NLGN1: variants seen among roughly 807,000 people sequenced by gnomAD.
The protein encoded by NLGN1 is neuroligin-1.
NLGN1 carries 12 observed loss-of-function variants against 65.5 expected under a neutral mutation model. The ratio of observed to expected loss-of-function variants is 0.18; its 90% confidence interval spans 0.12 to 0.30. NLGN1 has a LOEUF of 0.30. NLGN1 is among the 10% of genes least tolerant of loss of function. The pLI, the probability that NLGN1 is intolerant of heterozygous loss-of-function variation, is 1.00. For synonymous variants in NLGN1, 350 were observed against 359.5 expected (o/e 0.97, Z 0.30); for missense variants, 750 against 1,007.1 (o/e 0.74, Z 3.46).
chr3:173,696,498 A>G (rs1214366257), intron 3 of NLGN1, among the ~76,000 whole-genome samples: 7 of 152,184 alleles, frequency 4.6e-5, no homozygotes, highest in Admixed American at 4.6e-4. Context: ...GATCCAGCCC[A>G]TTGCTGAGCC....
intron 3 of NLGN1, among the ~76,000 whole-genome samples, chr3:173,685,497 G>T (rs1235676504): frequency 6.6e-6 from 1 of 152,082 alleles, no homozygotes; most frequent in East Asian, 1.9e-4. Flanking sequence ...GATTTTCGAG[G>T]CCTTAAGTTA....
rs183153046 is a variant in NLGN1 at position 174,175,604 on chromosome 3, A to G, written c.647-99711A>G. ...ATATTGCATGGAAAACTGTCATTCA[A>G]ATTCTACTCCTAGAACCCTCTGATA... On this transcript the variant is annotated intron_variant, in intron 4 of 6. Coordinates refer to ENST00000457714, the Ensembl canonical transcript of NLGN1. 3.9e-5 allele frequency among the ~76,000 whole-genome samples: 6 copies of G among 151,994 alleles called. No individual in the cohort carries two copies. In the East Asian group the frequency reaches 1.2e-3, roughly 29 times the overall value.
chr3:173,861,515 CGTGTGTGTGTGTGTGT>C lies in NLGN1; in HGVS notation c.646+53710_646+53725del, dbSNP rs145812733. 9.3e-3 allele frequency among the ~76,000 whole-genome samples: 1,314 copies of C among 141,446 alleles called. 6 individuals carry two copies. Among genetic ancestry groups the C allele is most frequent in the African/African-American group, 0.015 (563 of 38,412 alleles). 92.8% of individuals were successfully genotyped at this position (141,446 alleles called of 152,430 possible). A position where few individuals can be genotyped will look rare whatever the true frequency, so the allele number is the denominator to read the frequency against. The stretch of plus-strand genomic sequence containing the variant: ...GAATTGCCAATTCCAGTAGCTGGCA[CGTGTGTGTGTGTGTGT>C]GTGTGTGTGTGTGTGTGTGTGTGTG... On this transcript the variant is annotated intron_variant, in intron 4 of 6. Coordinates refer to ENST00000457714, the Ensembl canonical transcript of NLGN1.
chr3:173,637,189 A>G (rs1346143350), intron 3 of NLGN1, among the ~76,000 whole-genome samples: 1 of 152,198 alleles, frequency 6.6e-6, no homozygotes, highest in Non-Finnish European at 1.5e-5. Context: ...CTGAGGGTCA[A>G]TGAAAATCAT....
chr3:173,446,042 TTTTTC>T (rs1179093487), intron 2 of NLGN1, among the ~76,000 whole-genome samples: 1 of 151,846 alleles, frequency 6.6e-6, no homozygotes, highest in Non-Finnish European at 1.5e-5. Context: ...TTTTCCTTCT[TTTTTC>T]TTTTCTTTTT....
intron 1 of NLGN1, among the ~76,000 whole-genome samples, chr3:173,405,879 C>G (rs1179107447): frequency 6.6e-6 from 1 of 151,952 alleles, no homozygotes; most frequent in Non-Finnish European, 1.5e-5. Context: ...AAACATGTTT[C>G]CTGGCTCTAA....
At chr3:174,061,032 C>T (rs981714476) in intron 4 of NLGN1, among the ~76,000 whole-genome samples, 28 of 152,160 alleles carry the variant, frequency 1.8e-4, no homozygotes, top group Middle Eastern at 3.4e-3. Context: ...TTTCTCCATA[C>T]GGTTATTTTG....
At chr3:173,778,679 T>C (rs752107538) in intron 3 of NLGN1, among the ~76,000 whole-genome samples, 4 of 151,984 alleles carry the variant, frequency 2.6e-5, no homozygotes, top group Non-Finnish European at 4.4e-5. Flanking sequence ...GGATTTTGGC[T>C]CTCAGTCTTT....
intron 4 of NLGN1, among the ~76,000 whole-genome samples, chr3:173,964,559 A>T (rs961010841): frequency 6.6e-6 from 1 of 152,198 alleles, no homozygotes; most frequent in Admixed American, 6.5e-5. Context: ...GCAGTTCTTA[A>T]CAGCATCCTG....
intron 3 of NLGN1, among the ~76,000 whole-genome samples, chr3:173,775,739 A>G (rs1780213545): frequency 1.3e-5 from 2 of 152,288 alleles, no homozygotes; most frequent in South Asian, 4.1e-4. Context: ...TAGTTTAAAA[A>G]CAATAATGCA....
chr3:174,275,400 C>T (rs368902998), exon 5 of NLGN1: 3 of 1,612,530 alleles, frequency 1.9e-6, no homozygotes, highest in African/African-American at 2.7e-5. Flanking sequence ...CTAGTGAAAA[C>T]ATTGGATTCT....
intron 2 of NLGN1, among the ~76,000 whole-genome samples, chr3:173,448,530 G>T (rs1271096603): frequency 1.3e-5 from 2 of 151,906 alleles, no homozygotes; most frequent in Non-Finnish European, 2.9e-5. Flanking sequence ...TCTCTTTTTT[G>T]GTTGTGTCTC....
intron 4 of NLGN1, among the ~76,000 whole-genome samples, chr3:173,910,207 C>T (rs1739308053): frequency 1.3e-5 from 2 of 152,158 alleles, no homozygotes; most frequent in Admixed American, 1.3e-4. Flanking sequence ...ACCTGGGATC[C>T]TGCTAAAAAT....
chr3:173,720,869 A>G (rs1026011694), intron 3 of NLGN1, among the ~76,000 whole-genome samples: 2 of 152,206 alleles, frequency 1.3e-5, no homozygotes, highest in Non-Finnish European at 2.9e-5. Context: ...GGATAAACTT[A>G]TTTGTAAAAT....
chr3:173,453,784 C>T (rs543900100), intron 2 of NLGN1, among the ~76,000 whole-genome samples: 1 of 152,146 alleles, frequency 6.6e-6, no homozygotes, highest in African/African-American at 2.4e-5. Flanking sequence ...AAGACTTGAC[C>T]TCTCAAAGTC....
intron 4 of NLGN1, among the ~76,000 whole-genome samples, chr3:173,859,443 G>A (rs542923727): frequency 1.4e-4 from 21 of 152,154 alleles, no homozygotes; most frequent in Admixed American, 1.1e-3. Flanking sequence ...CCATTAGCAG[G>A]CTACACCCAA....
chr3:173,510,078 A>G (rs9838752), intron 2 of NLGN1, among the ~76,000 whole-genome samples: 90,752 of 151,992 alleles, frequency 0.6, 27,955 homozygotes, highest in East Asian at 0.85. Flanking sequence ...AATGTACAGG[A>G]TAAATTCTCC....
At chr3:173,881,392 C>T (rs1251986600) in intron 4 of NLGN1, among the ~76,000 whole-genome samples, 1 of 147,642 alleles carries the variant, frequency 6.8e-6, no homozygotes, top group African/African-American at 2.5e-5. Flanking sequence ...CCACTGCGCC[C>T]AGCCAGGCTC....
intron 4 of NLGN1, among the ~76,000 whole-genome samples, chr3:174,244,078 ACT>A (rs1369070763): frequency 1.3e-5 from 2 of 151,986 alleles, no homozygotes; most frequent in Non-Finnish European, 2.9e-5. Flanking sequence ...CTGACAGTAG[ACT>A]CTTTTCTTTC....
Sources: gnomAD v4.1 joint callset for allele counts (sites outside exome capture counted in the v4.1 genomes callset) on GRCh38, gnomAD v4.1.1 for gene constraint, MANE v1.5 for transcripts, NCBI Gene and HGNC (gene_info 2026-07-23, HGNC 2026-07-21) for gene names.